SDK1: variants seen among roughly 807,000 people sequenced by gnomAD.
SDK1 encodes the protein protein sidekick-1.
In SDK1, 157 loss-of-function variants were observed where a neutral mutation model predicts 245.5. The ratio of observed to expected loss-of-function variants is 0.64; its 90% CI spans 0.56 to 0.73. The LOEUF (loss-of-function observed/expected upper bound fraction) is 0.73, where lower values mean the gene tolerates loss of function less well. Among genes scored for constraint, SDK1 ranks in the 30% least tolerant of loss-of-function variants. The probability of loss-of-function intolerance (pLI) is 0.00; values close to 1 mark genes in which losing one functional copy is unlikely to be tolerated. For synonymous variants in SDK1, 1,647 were observed against 1,278.5 expected (o/e 1.29, Z -6.15); for missense variants, 3,583 against 3,002.3 (o/e 1.19, Z -4.52).
chr7:3,441,133 T>G (rs1780182700), intron 1 of SDK1, among the ~76,000 whole-genome samples: 2 of 152,234 alleles, frequency 1.3e-5, no homozygotes, highest in Non-Finnish European at 1.5e-5. Context: ...GTGAAATATT[T>G]TGAGACAGCC....
intron 1 of SDK1, among the ~76,000 whole-genome samples, chr7:3,408,458 T>G (rs761425323): frequency 1.1e-4 from 16 of 152,262 alleles, no homozygotes; most frequent in Non-Finnish European, 1.6e-4. Flanking sequence ...TAATTATTTT[T>G]AAATTTAGAC....
At chr7:3,977,168 AG>A (rs1783003195) in intron 13 of SDK1, among the ~76,000 whole-genome samples, 1 of 29,388 alleles carries the variant, frequency 3.4e-5, no homozygotes, top group African/African-American at 3.3e-4. Flanking sequence ...AGGGTCCTCC[AG>A]AGAATCACTG....
intron 4 of SDK1, among the ~76,000 whole-genome samples, chr7:3,684,921 A>G (rs1211835927): frequency 6.6e-6 from 1 of 152,196 alleles, no homozygotes; most frequent in African/African-American, 2.4e-5. Flanking sequence ...AGGACAGGTC[A>G]AGAATGTAGC....
chr7:4,142,182 C>T (rs1197839599), intron 28 of SDK1, among the ~76,000 whole-genome samples: 1 of 152,176 alleles, frequency 6.6e-6, no homozygotes, highest in Non-Finnish European at 1.5e-5. Flanking sequence ...ATACATGAGT[C>T]TGTTTTTAAT....
chr7:3,635,606 G>A (rs946961295), intron 2 of SDK1, among the ~76,000 whole-genome samples: 1 of 152,320 alleles, frequency 6.6e-6, no homozygotes, highest in African/African-American at 2.4e-5. Flanking sequence ...TTAAATTGTG[G>A]ACAAGTATTA....
intron 22 of SDK1, among the ~76,000 whole-genome samples, chr7:4,099,521 G>A (rs1301856268): frequency 1.0e-5 from 1 of 100,364 alleles, no homozygotes; most frequent in Non-Finnish European, 2.0e-5. Flanking sequence ...CCCAGCCCCA[G>A]TGACAGGACA....
intron 1 of SDK1, among the ~76,000 whole-genome samples, chr7:3,411,455 A>G (rs1444870571): frequency 6.6e-6 from 1 of 152,136 alleles, no homozygotes; most frequent in Non-Finnish European, 1.5e-5. Flanking sequence ...TGGGGTGTAG[A>G]TTTATTCCTT....
At chr7:3,704,435 T>C (rs551199823) in intron 4 of SDK1, among the ~76,000 whole-genome samples, 40 of 152,170 alleles carry the variant, frequency 2.6e-4, no homozygotes, top group African/African-American at 9.6e-4. Flanking sequence ...GTAGTTTTAA[T>C]TTGCATTTCC....
chr7:4,198,223 G>A (rs1211748623), intron 35 of SDK1, among the ~76,000 whole-genome samples: 2 of 152,182 alleles, frequency 1.3e-5, no homozygotes, highest in African/African-American at 4.8e-5. Flanking sequence ...GCCACCTTCT[G>A]CTAGCGGCCC....
intron 4 of SDK1, among the ~76,000 whole-genome samples, chr7:3,779,362 C>T (rs1395187989): frequency 6.6e-6 from 1 of 151,892 alleles, no homozygotes; most frequent in African/African-American, 2.4e-5. Context: ...TTGTAGCTAC[C>T]AGAATGACAA....
intron 1 of SDK1, among the ~76,000 whole-genome samples, chr7:3,477,867 T>G (rs923535473): frequency 1.3e-5 from 2 of 152,164 alleles, no homozygotes; most frequent in African/African-American, 4.8e-5. Flanking sequence ...GATGGAAATT[T>G]TATCTGTATT....
chr7:4,108,387 TTTC>T (rs1406468444), intron 22 of SDK1, among the ~76,000 whole-genome samples: 1 of 152,058 alleles, frequency 6.6e-6, no homozygotes, highest in Non-Finnish European at 1.5e-5. Context: ...GATTTGAGGG[TTTC>T]GATGGCTACC....
intron 28 of SDK1, among the ~76,000 whole-genome samples, chr7:4,145,355 G>C (rs1476677923): frequency 2.0e-5 from 3 of 152,166 alleles, no homozygotes; most frequent in Non-Finnish European, 4.4e-5. Flanking sequence ...GAGCGACGGG[G>C]AGAGCCAGAC....
intron 5 of SDK1, among the ~76,000 whole-genome samples, chr7:3,915,425 G>T (rs2128110566): frequency 6.6e-6 from 1 of 152,296 alleles, no homozygotes; most frequent in South Asian, 2.1e-4. Flanking sequence ...ATAGGGGTGG[G>T]TTTTTCCCAT....
At chr7:3,500,199 C>T (rs1782154160) in intron 1 of SDK1, among the ~76,000 whole-genome samples, 1 of 152,144 alleles carries the variant, frequency 6.6e-6, no homozygotes, top group African/African-American at 2.4e-5. Flanking sequence ...AGCTCTGATC[C>T]TGTGATCACA....
intron 5 of SDK1, among the ~76,000 whole-genome samples, chr7:3,940,461 C>G (rs1240137998): frequency 1.3e-5 from 2 of 152,186 alleles, no homozygotes; most frequent in African/African-American, 4.8e-5. Context: ...AAGACAATAG[C>G]TTCCCGTTTT....
intron 1 of SDK1, among the ~76,000 whole-genome samples, chr7:3,400,953 G>A (rs1295615051): frequency 1.3e-5 from 2 of 151,302 alleles, no homozygotes; most frequent in Admixed American, 6.6e-5. Flanking sequence ...GAACTCCAGT[G>A]TCAGGACAGG....
In SDK1 at chr7:3,598,209, T is replaced by G. The variant is rs139126514; in HGVS notation, c.299-20871T>G. ...TGTAGATCTTCCTTTAGGAAGTGCATGTTCAAGCCTTTTGCTCATTTTATT... is the reference window on the plus strand; with the variant it reads ...TGTAGATCTTCCTTTAGGAAGTGCAGGTTCAAGCCTTTTGCTCATTTTATT... On this transcript the variant is annotated intron_variant, in intron 1 of 44. Coordinates refer to ENST00000404826, the MANE Select transcript of SDK1 (RefSeq NM_152744.4). 9.7e-4 allele frequency among the ~76,000 whole-genome samples: 147 copies of G among 152,310 alleles called. 2 individuals carry two copies. The highest frequency in any genetic ancestry group is 3.4e-3 in the African/African-American group (140 of 41,558).
intron 5 of SDK1, among the ~76,000 whole-genome samples, chr7:3,920,111 G>A (rs773200515): frequency 3.3e-5 from 5 of 152,308 alleles, no homozygotes; most frequent in South Asian, 2.1e-4. Context: ...CAGGAATGGC[G>A]GTGAGTTCAC....
Sources: gnomAD v4.1 joint callset for allele counts (sites outside exome capture counted in the v4.1 genomes callset) on GRCh38, gnomAD v4.1.1 for gene constraint, MANE v1.5 for transcripts, NCBI Gene and HGNC (gene_info 2026-07-23, HGNC 2026-07-21) for gene names.